Variants in ATP5PD observed in about 807,000 individuals in gnomAD.
ATP5PD encodes the protein ATP synthase peripheral stalk subunit d, also known as ATP synthase peripheral stalk subunit d, mitochondrial.
Under a neutral mutation model 22.6 loss-of-function variants are expected in ATP5PD, and 13 were observed. The observed-to-expected ratio is 0.58, with a 90% CI of 0.37 to 0.91. ATP5PD has a LOEUF of 0.91. Ranked by LOEUF, ATP5PD falls within the 40% of genes least tolerant of loss-of-function variation. ATP5PD has a pLI of 0.00. For synonymous variants in ATP5PD, 51 were observed against 65.0 expected (o/e 0.79, Z 1.03); for missense variants, 165 against 188.0 (o/e 0.88, Z 0.72).
At chr17:75,043,694 T>C (rs187791223) in intron 1 of ATP5PD, among the ~76,000 whole-genome samples, 1 of 152,160 alleles carries the variant, frequency 6.6e-6, no homozygotes, top group East Asian at 1.9e-4. Flanking sequence ...AACACTCTTA[T>C]TGCATAAAAG....
At chr17:75,046,371 C>T (rs935372003) in intron 1 of ATP5PD, among the ~76,000 whole-genome samples, 4 of 152,210 alleles carry the variant, frequency 2.6e-5, no homozygotes, top group African/African-American at 9.7e-5. Flanking sequence ...CGTGAGCCAC[C>T]GCGCCCGGCG....
chr17:75,044,287 A>G (rs62086356), intron 1 of ATP5PD, among the ~76,000 whole-genome samples: 3 of 106,440 alleles, frequency 2.8e-5, no homozygotes, highest in Non-Finnish European at 4.9e-5. Flanking sequence ...CTCACTGCAA[A>G]CTCCGCTTCC....
intron 3 of ATP5PD, 55 bp downstream of exon 3, chr17:75,042,126 C>T: frequency 1.4e-6 from 2 of 1,477,058 alleles, no homozygotes; most frequent in Non-Finnish European, 1.9e-6. Context: ...CCTGTTCCTG[C>T]TCCCTACCCA....
chr17:75,044,663 C>T (rs1168392371), intron 1 of ATP5PD, among the ~76,000 whole-genome samples: 1 of 151,912 alleles, frequency 6.6e-6, no homozygotes, highest in African/African-American at 2.4e-5. Flanking sequence ...AGGTATTCAA[C>T]ACATGTGAAA....
At chr17:75,040,028 G>C in intron 4 of ATP5PD, 64 bp downstream of exon 4, 1 of 1,546,544 alleles carries the variant, frequency 6.5e-7, no homozygotes, top group Non-Finnish European at 8.9e-7. Context: ...ACTTAACTTA[G>C]CTATAATAGA....
intron 2 of ATP5PD, 52 bp from the exon 3 acceptor site, chr17:75,042,329 T>G (rs777678768): frequency 1.3e-6 from 2 of 1,588,086 alleles, no homozygotes; most frequent in South Asian, 1.1e-5. Context: ...AGTAGAAAAT[T>G]CACATGGTAA....
rs11312083 is a variant in ATP5PD, at chr17:75,044,023, CTTTT to C, written c.-9-1368_-9-1365del. ...TAGCAGCACCAGCACACGTTGTGCACTTTTTTTTTTTTTTTTTTTGAGATGGAGT... is the reference window on the plus strand; with the variant it reads ...TAGCAGCACCAGCACACGTTGTGCACTTTTTTTTTTTTTTTGAGATGGAGT... On this transcript the variant is annotated intron_variant, in intron 1 of 5. Transcript: ENST00000301587. 5.0e-4 allele frequency among the ~76,000 whole-genome samples: 64 copies of C among 127,698 alleles called. No homozygotes were observed. The East Asian group carries it at 0.013, about 25-fold the overall frequency. The allele number at this position is 127,698 out of a possible 152,430, so 83.8% of individuals were successfully genotyped here. A position where few individuals can be genotyped will look rare whatever the true frequency, so the allele number is the denominator to read the frequency against.
At chr17:75,045,233 C>T (rs901049574) in intron 1 of ATP5PD, among the ~76,000 whole-genome samples, 2 of 152,164 alleles carry the variant, frequency 1.3e-5, no homozygotes, top group Admixed American at 6.5e-5. Context: ...ACATCAAGTA[C>T]TTAACAGGGT....
intron 3 of ATP5PD, chr17:75,041,711 G>C (rs191324240): frequency 6.5e-6 from 1 of 153,238 alleles, no homozygotes; most frequent in Admixed American, 6.5e-5. Flanking sequence ...GAACCCAGGA[G>C]GTGGGCAAAC....
At chr17:75,044,227 C>T (rs564530332) in intron 1 of ATP5PD, among the ~76,000 whole-genome samples, 2 of 80,330 alleles carry the variant, frequency 2.5e-5, no homozygotes, top group African/African-American at 1.9e-4. Context: ...GAGACGGAGT[C>T]TCGCTCTGTC....
chr17:75,042,584 T>G lies in ATP5PD; in HGVS notation c.67A>C (p.Asn23His). Residue 23 changes from asparagine to histidine, a missense_variant, in exon 2 of 6, where the codon AAC becomes CAC. Asn to His is a moderately conservative substitution (Grantham distance 68, BLOSUM62 1). Coordinates refer to ENST00000301587, the MANE Select transcript of ATP5PD (RefSeq NM_006356.3). The part of the protein sequence containing the change: ...WVAFAEIIPQ[N>H]QKAIASSLKS... ...AGGGAACTAGCAATGGCCTTTTGGT[T>G]CTGGGGTATGATCTCTGCAAAAGCT... 1.2e-6 allele frequency: 2 copies of G among 1,613,130 alleles called. No individual in the cohort carries two copies. The highest frequency in any genetic ancestry group is 1.7e-6 in the Non-Finnish European group (2 of 1,179,886).
At chr17:75,045,778 A>G (rs1370781270) in intron 1 of ATP5PD, among the ~76,000 whole-genome samples, 1 of 152,230 alleles carries the variant, frequency 6.6e-6, no homozygotes, top group Non-Finnish European at 1.5e-5. Flanking sequence ...CAATTATTAC[A>G]GGGTCCTGGA....
chr17:75,040,251 A>G (rs769534718), intron 3 of ATP5PD, 88 bp from the exon 4 acceptor site: 19 of 1,500,746 alleles, frequency 1.3e-5, no homozygotes, highest in Non-Finnish European at 1.8e-5. Context: ...CAGGAGCTCA[A>G]AGGGCTGGAA....
chr17:75,044,554 A>G (rs1377854114), intron 1 of ATP5PD, among the ~76,000 whole-genome samples: 1 of 150,234 alleles, frequency 6.7e-6, no homozygotes, highest in Non-Finnish European at 1.5e-5. Context: ...GTTGGCCAGG[A>G]TGGGCTGAAA....
chr17:75,046,017 C>CGG (rs1201072805), intron 1 of ATP5PD, among the ~76,000 whole-genome samples: 1 of 152,182 alleles, frequency 6.6e-6, no homozygotes, highest in African/African-American at 2.4e-5. Context: ...TGGTTTCAGC[C>CGG]GGTCTCTCTG....
chr17:75,039,832 G>T lies in ATP5PD; in HGVS notation c.291+260C>A, dbSNP rs545387889. Reference sequence around the variant, plus strand: ...AGCAGTCCCCTCTCAACCATCCCCAGGCAGCCACTGTAGACAAACTACATT... The same window carrying T: ...AGCAGTCCCCTCTCAACCATCCCCATGCAGCCACTGTAGACAAACTACATT... On this transcript the variant is annotated intron_variant, in intron 4 of 5. Coordinates refer to ENST00000301587, the MANE Select transcript of ATP5PD (RefSeq NM_006356.3). 4 of 474,940 alleles carry T rather than the reference G, an allele frequency of 8.4e-6. 1 individual carries two copies. In the South Asian group the frequency reaches 1.1e-4, roughly 13 times the overall value. The allele number at this position is 474,940 out of a possible 1,614,324, so 29.4% of individuals were successfully genotyped here.
intron 1 of ATP5PD, among the ~76,000 whole-genome samples, chr17:75,046,317 C>G (rs1450530792): frequency 6.6e-6 from 1 of 152,160 alleles, no homozygotes; most frequent in Admixed American, 6.5e-5. Context: ...CTCCTGACCT[C>G]GCGATTCGCC....
In ATP5PD at chr17:75,040,258, G is replaced by A. The variant is rs547431296; in HGVS notation, c.220-95C>T. ...AATACACCCAGGAGCTCAAAGGGCT[G>A]GAAGCTACGAATCCTTAAAGGTCAT... On this transcript the variant is annotated intron_variant, in intron 3 of 5. Transcript: ENST00000301587. The A allele has an allele frequency of 6.9e-6, 10 of 1,446,078 alleles. 1 individual carries two copies. In the South Asian group the frequency reaches 1.0e-4, roughly 15 times the overall value. 89.6% of individuals were successfully genotyped at this position (1,446,078 alleles called of 1,614,324 possible).
intron 4 of ATP5PD, 25 bp downstream of exon 4, chr17:75,040,067 A>G (rs758854590): frequency 4.3e-6 from 7 of 1,612,944 alleles, no homozygotes; most frequent in Non-Finnish European, 5.9e-6. Context: ...GAATTTTAGA[A>G]TAAGCAGGAG....
Sources: gnomAD v4.1 joint callset for allele counts (sites outside exome capture counted in the v4.1 genomes callset) on GRCh38, gnomAD v4.1.1 for gene constraint, MANE v1.5 for transcripts, NCBI Gene and HGNC (gene_info 2026-07-23, HGNC 2026-07-21) for gene names.